FHIT: variants seen among roughly 807,000 people sequenced by gnomAD.
The protein encoded by FHIT is fragile histidine triad diadenosine triphosphatase.
Under a neutral mutation model 17.9 loss-of-function variants are expected in FHIT, and 19 were observed. That is an observed-to-expected ratio of 1.06 (90% CI 0.74 to 1.56). The LOEUF (loss-of-function observed/expected upper bound fraction) is 1.56, where lower values mean the gene tolerates loss of function less well. FHIT is among the 40% of genes most tolerant of loss of function. The pLI, the probability that FHIT is intolerant of heterozygous loss-of-function variation, is 0.00. For missense variants in FHIT, 248 were observed against 189.2 expected (o/e 1.31, Z -1.82); for synonymous variants, 81 against 69.7 (o/e 1.16, Z -0.81).
intron 5 of FHIT, among the ~76,000 whole-genome samples, chr3:60,158,434 C>T (rs1200998757): frequency 1.3e-5 from 2 of 152,022 alleles, no homozygotes; most frequent in African/African-American, 4.8e-5. Context: ...GCCTCAGCCT[C>T]CTGAGTAACT....
At chr3:60,853,878 A>G (rs1553749149) in intron 3 of FHIT, among the ~76,000 whole-genome samples, 1 of 152,066 alleles carries the variant, frequency 6.6e-6, no homozygotes, top group Non-Finnish European at 1.5e-5. Flanking sequence ...AAAACACCTG[A>G]TTTTTCCCAA....
intron 5 of FHIT, among the ~76,000 whole-genome samples, chr3:60,276,711 A>C (rs980134204): frequency 1.3e-5 from 2 of 152,188 alleles, no homozygotes; most frequent in African/African-American, 4.8e-5. Flanking sequence ...TATAGGAAGC[A>C]TAACACTAGC....
At chr3:59,876,633 G>A (rs1446763449) in intron 8 of FHIT, among the ~76,000 whole-genome samples, 1 of 152,202 alleles carries the variant, frequency 6.6e-6, no homozygotes, top group African/African-American at 2.4e-5. Context: ...TAACACAGGT[G>A]AAGGTCAAAA....
intron 5 of FHIT, among the ~76,000 whole-genome samples, chr3:60,101,209 T>A (rs576475276): frequency 6.6e-6 from 1 of 152,348 alleles, no homozygotes; most frequent in South Asian, 2.1e-4. Context: ...TGTGCTTCAA[T>A]GACTTTTCAA....
chr3:60,226,737 G>A (rs1299185389), intron 5 of FHIT, among the ~76,000 whole-genome samples: 1 of 152,136 alleles, frequency 6.6e-6, no homozygotes, highest in Non-Finnish European at 1.5e-5. Flanking sequence ...GATGTGTCTA[G>A]GGATAAGAAT....
intron 8 of FHIT, among the ~76,000 whole-genome samples, chr3:59,837,714 C>A (rs998601008): frequency 6.6e-6 from 1 of 152,146 alleles, no homozygotes; most frequent in African/African-American, 2.4e-5. Context: ...CACTATAGCA[C>A]AGTGGTGAAG....
chr3:60,498,365 T>C (rs1410924895), intron 5 of FHIT, among the ~76,000 whole-genome samples: 1 of 152,218 alleles, frequency 6.6e-6, no homozygotes, highest in Non-Finnish European at 1.5e-5. Context: ...TCTGGAAGTA[T>C]GTTATACCCC....
At chr3:59,837,129 T>C (rs376773717) in intron 8 of FHIT, among the ~76,000 whole-genome samples, 4 of 152,298 alleles carry the variant, frequency 2.6e-5, no homozygotes, top group African/African-American at 9.6e-5. Context: ...TCAGAACACA[T>C]TATTCTATTA....
At chr3:60,844,732 T>A (rs1702863361) in intron 3 of FHIT, among the ~76,000 whole-genome samples, 1 of 152,194 alleles carries the variant, frequency 6.6e-6, no homozygotes, top group Admixed American at 6.6e-5. Flanking sequence ...GAAATTTTTC[T>A]GAATCCCTTT....
At chr3:61,205,521 G>T (rs1477601768) in intron 1 of FHIT, among the ~76,000 whole-genome samples, 1 of 152,124 alleles carries the variant, frequency 6.6e-6, no homozygotes, top group Non-Finnish European at 1.5e-5. Flanking sequence ...ATTCTAACTG[G>T]TGTGAGATGG....
At position 60,262,960 on chromosome 3, in the gene FHIT, T is replaced by G. The variant is rs148512728; in HGVS notation, c.104-248808A>C. Among the ~76,000 whole-genome samples, 211 of 152,026 alleles carry G rather than the reference T, an allele frequency of 1.4e-3. 4 individuals are homozygous for G. Among genetic ancestry groups the G allele is most frequent in the African/African-American group, 3.9e-3 (164 of 41,540 alleles). ...GTCACAGACTAGAAGAACATATTTT[T>G]AATGCAAATACTTAATAAACGACTT... On this transcript the variant is annotated intron_variant, in intron 5 of 9. Coordinates refer to ENST00000492590, the MANE Select transcript of FHIT (RefSeq NM_002012.4).
chr3:60,540,298 C>T (rs1028840611), intron 4 of FHIT, among the ~76,000 whole-genome samples: 2 of 152,194 alleles, frequency 1.3e-5, no homozygotes, highest in African/African-American at 4.8e-5. Context: ...CTGTGATAAA[C>T]TGGTAAACTT....
At chr3:60,634,505 A>G (rs1344684021) in intron 4 of FHIT, among the ~76,000 whole-genome samples, 8 of 152,154 alleles carry the variant, frequency 5.3e-5, no homozygotes, top group African/African-American at 1.9e-4. Context: ...CACATATAAA[A>G]ACTTTCATTA....
chr3:60,009,165 ATGTGTGTG>A (rs753809976), intron 7 of FHIT, among the ~76,000 whole-genome samples: 2,316 of 53,712 alleles, frequency 0.043, 37 homozygotes, highest in African/African-American at 0.069. Context: ...CTGGGATTTT[ATGTGTGTG>A]TGTGTGTGTG....
At chr3:59,962,965 A>G (rs1006406079) in intron 7 of FHIT, among the ~76,000 whole-genome samples, 14 of 152,184 alleles carry the variant, frequency 9.2e-5, no homozygotes, top group African/African-American at 3.1e-4. Flanking sequence ...AAGAAAAGCA[A>G]AATGTATTGG....
chr3:61,239,782 T>TATATATATATATATATATATATAC lies in FHIT; in HGVS notation c.-213+11518_-213+11519insGTATATATATATATATATATATAT, dbSNP rs895030251. ...CTGGCCATATATATATATATATATA[T>TATATATATATATATATATATATAC]ATACACAAATTCTAAACAATACTAC... is the stretch of plus-strand genomic sequence containing the variant. On this transcript the variant is annotated intron_variant, in intron 1 of 9. Coordinates refer to ENST00000492590, the MANE Select transcript of FHIT (RefSeq NM_002012.4). 1.7e-3 allele frequency among the ~76,000 whole-genome samples: 248 copies of TATATATATATATATATATATATAC among 143,836 alleles called. 1 individual carries two copies. Among genetic ancestry groups the TATATATATATATATATATATATAC allele is most frequent in the Non-Finnish European group, 3.1e-3 (208 of 66,124 alleles). 94.4% of individuals were successfully genotyped at this position (143,836 alleles called of 152,430 possible).
intron 5 of FHIT, among the ~76,000 whole-genome samples, chr3:60,366,989 C>T (rs545977754): frequency 6.6e-6 from 1 of 152,122 alleles, no homozygotes; most frequent in Non-Finnish European, 1.5e-5. Context: ...ACTTGAGATT[C>T]TACTTTGCCC....
intron 8 of FHIT, among the ~76,000 whole-genome samples, chr3:59,895,550 AT>A (rs139276898): frequency 0.048 from 7,242 of 152,246 alleles, 208 homozygotes; most frequent in Non-Finnish European, 0.066. Context: ...CACTTCCTTC[AT>A]TCCCTATCTT....
chr3:59,876,041 A>G (rs1009833372), intron 8 of FHIT, among the ~76,000 whole-genome samples: 5 of 152,172 alleles, frequency 3.3e-5, no homozygotes, highest in African/African-American at 2.4e-5. Flanking sequence ...ACAGAAATCA[A>G]AAAGAATCAT....
Sources: allele counts gnomAD v4.1 joint callset (sites outside exome capture counted in the v4.1 genomes callset), GRCh38; gene constraint gnomAD v4.1.1; transcripts MANE v1.5; gene names NCBI Gene and HGNC (gene_info 2026-07-23, HGNC 2026-07-21).